ST3GAL5: variants seen among roughly 807,000 people sequenced by gnomAD.
ST3GAL5 encodes lactosylceramide alpha-2,3-sialyltransferase.
Under a neutral mutation model 46.1 loss-of-function variants are expected in ST3GAL5, and 25 were observed. That is an observed-to-expected ratio of 0.54 (90% CI 0.40 to 0.76). The LOEUF (loss-of-function observed/expected upper bound fraction) is 0.76. ST3GAL5 is among the 30% of genes least tolerant of loss of function. The pLI, the probability that ST3GAL5 is intolerant of heterozygous loss-of-function variation, is 0.00. For synonymous variants in ST3GAL5, 182 were observed against 192.7 expected (o/e 0.94, Z 0.46); for missense variants, 431 against 521.2 (o/e 0.83, Z 1.69).
At chr2:85,879,396 G>A (rs2104216684) in intron 1 of ST3GAL5, among the ~76,000 whole-genome samples, 1 of 152,296 alleles carries the variant, frequency 6.6e-6, no homozygotes, top group Admixed American at 6.5e-5. Flanking sequence ...AAATGTTACT[G>A]TTTCTCAAAA....
chr2:85,847,485 T>A, intron 4 of ST3GAL5: 1 of 1,028,274 alleles, frequency 9.7e-7, no homozygotes, highest in Non-Finnish European at 1.2e-6. Flanking sequence ...AAGTCCCTTG[T>A]GGGCAGGGAC....
Position 85,846,564 on chromosome 2 carries a change from C to T in ST3GAL5, c.663-1G>A, listed in dbSNP as rs1255058507. 2.5e-6 allele frequency: 4 copies of T among 1,613,884 alleles called. No individual in the cohort carries two copies. The highest frequency in any genetic ancestry group is 3.4e-6 in the Non-Finnish European group (4 of 1,179,984). Reference sequence around the variant, plus strand: ...TCCCTCAACTGGTGCACTGTTTAACCTATTTAAATAAAAAGGACAAAGACA... The same window carrying T: ...TCCCTCAACTGGTGCACTGTTTAACTTATTTAAATAAAAAGGACAAAGACA... On this transcript the variant is annotated splice_acceptor_variant, in intron 4 of 6. Coordinates refer to ENST00000638572, the MANE Select transcript of ST3GAL5 (RefSeq NM_003896.4). LOFTEE classifies it high-confidence loss of function.
rs1199346648 is a variant in ST3GAL5, at chr2:85,887,992, T to C, written c.82+832A>G. 2.6e-5 allele frequency: 4 copies of C among 152,206 alleles called. No individual in the cohort carries two copies. The East Asian group carries it at 7.7e-4, about 29-fold the overall frequency. The allele number at this position is 152,206 out of a possible 1,614,324, so 9.4% of individuals were successfully genotyped here. A position where few individuals can be genotyped will look rare whatever the true frequency, so the allele number is the denominator to read the frequency against. ...TTAAGACATGAGGATATAAAATTCG[T>C]CTTCCGAGTCAGCTAGAGATTCTGC... On this transcript the variant is annotated intron_variant, in intron 1 of 6. Coordinates refer to ENST00000638572, the MANE Select transcript of ST3GAL5 (RefSeq NM_003896.4).
intron 2 of ST3GAL5, among the ~76,000 whole-genome samples, chr2:85,862,499 T>A (rs201373879): frequency 1.3e-5 from 2 of 150,270 alleles, no homozygotes; most frequent in South Asian, 2.1e-4. Context: ...TATTTTGATT[T>A]AAAAAAAAAA....
At chr2:85,873,301 C>G (rs1181729122) in intron 1 of ST3GAL5, among the ~76,000 whole-genome samples, 1 of 152,236 alleles carries the variant, frequency 6.6e-6, no homozygotes, top group Admixed American at 6.5e-5. Context: ...CAGGCCTACT[C>G]TCTTCATCCT....
chr2:85,846,982 C>A (rs539084671), intron 4 of ST3GAL5, among the ~76,000 whole-genome samples: 2 of 152,308 alleles, frequency 1.3e-5, no homozygotes, highest in Admixed American at 1.3e-4. Flanking sequence ...TCTGTAGAGA[C>A]AAGCTGTCTC....
At chr2:85,875,622 G>A (rs1451965633) in intron 1 of ST3GAL5, 1 of 152,104 alleles carries the variant, frequency 6.6e-6, no homozygotes, top group African/African-American at 2.4e-5. Flanking sequence ...GCCATCTAGG[G>A]GAGAAAACCA....
At chr2:85,853,891 T>A (rs12990400) in intron 3 of ST3GAL5, 33,055 of 152,118 alleles carry the variant, frequency 0.22, 4,406 homozygotes, top group East Asian at 0.42. Flanking sequence ...GGATATCCTG[T>A]CAGGACCGTT....
At chr2:85,871,390 T>G (rs1685909163) in intron 1 of ST3GAL5, among the ~76,000 whole-genome samples, 1 of 152,234 alleles carries the variant, frequency 6.6e-6, no homozygotes, top group African/African-American at 2.4e-5. Context: ...TTTCAATAAT[T>G]CTTAAGGCCC....
chr2:85,847,756 C>T, intron 4 of ST3GAL5, 105 bp downstream of exon 4: 1 of 1,455,394 alleles, frequency 6.9e-7, no homozygotes, highest in African/African-American at 1.4e-5. Context: ...GATCACACCA[C>T]TGCACTCCAG....
chr2:85,884,279 G>T (rs1687518157), intron 1 of ST3GAL5, among the ~76,000 whole-genome samples: 1 of 152,194 alleles, frequency 6.6e-6, no homozygotes, highest in Non-Finnish European at 1.5e-5. Context: ...TCTATGTTTT[G>T]TAGCATGTGG....
rs116892869 is a variant in ST3GAL5, at chr2:85,888,719, G to C, written c.82+105C>G. On this transcript the variant is annotated intron_variant, in intron 1 of 6. Transcript: ENST00000638572. ...GCCCTGGGCGCTGCCCGCGGGGTTCGAGGCGGAAACGCCGCGCCCAGCCGG... is the reference window on the plus strand; with the variant it reads ...GCCCTGGGCGCTGCCCGCGGGGTTCCAGGCGGAAACGCCGCGCCCAGCCGG... 2,652 of 926,232 alleles carry C rather than the reference G, an allele frequency of 2.9e-3. 152 individuals are homozygous for C. The East Asian group carries it at 0.1, about 35-fold the overall frequency. The allele number at this position is 926,232 out of a possible 1,614,324, so 57.4% of individuals were successfully genotyped here. A position where few individuals can be genotyped will look rare whatever the true frequency, so the allele number is the denominator to read the frequency against.
intron 1 of ST3GAL5, chr2:85,875,452 C>T (rs944048289): frequency 4.0e-5 from 6 of 150,130 alleles, no homozygotes; most frequent in Non-Finnish European, 7.4e-5. Context: ...CACTCAATCT[C>T]TTTGAGGATG....
chr2:85,863,331 G>T (rs764882733), intron 2 of ST3GAL5, 31 bp downstream of exon 2: 3 of 1,613,404 alleles, frequency 1.9e-6, no homozygotes, highest in Non-Finnish European at 2.5e-6. Context: ...CCCAAAGCAG[G>T]GGGATCTACA....
At chr2:85,848,265 T>C in intron 3 of ST3GAL5, 61 bp from the exon 4 acceptor site, 4 of 1,612,882 alleles carry the variant, frequency 2.5e-6, no homozygotes, top group Non-Finnish European at 3.4e-6. Flanking sequence ...AATATACTCT[T>C]CTAGATGACA....
At chr2:85,847,773 C>T (rs1265502624) in intron 4 of ST3GAL5, 88 bp downstream of exon 4, 12 of 1,503,554 alleles carry the variant, frequency 8.0e-6, no homozygotes, top group Non-Finnish European at 1.1e-5. Flanking sequence ...CCAGCCTGGA[C>T]AACAGGAGTG....
At chr2:85,878,330 GGTCTGTATTCT>G (rs1686794113) in intron 1 of ST3GAL5, among the ~76,000 whole-genome samples, 2 of 152,132 alleles carry the variant, frequency 1.3e-5, no homozygotes. Flanking sequence ...TTAACATTCT[GGTCTGTATTCT>G]GTCAGCCTCT....
intron 3 of ST3GAL5, chr2:85,851,516 T>G: frequency 7.8e-7 from 1 of 1,288,660 alleles, no homozygotes; most frequent in Non-Finnish European, 1.0e-6. Context: ...TCTGGGATGG[T>G]TTCTGTTCTT....
At chr2:85,869,732 G>A (rs976764657) in intron 1 of ST3GAL5, among the ~76,000 whole-genome samples, 6 of 152,172 alleles carry the variant, frequency 3.9e-5, no homozygotes, top group African/African-American at 7.2e-5. Flanking sequence ...TTGCCTCAGC[G>A]GGCAGGAACT....
Sources: allele counts gnomAD v4.1 joint callset (sites outside exome capture counted in the v4.1 genomes callset), GRCh38; gene constraint gnomAD v4.1.1; transcripts MANE v1.5; gene names NCBI Gene and HGNC (gene_info 2026-07-23, HGNC 2026-07-21).